The following CAMTA1 variants were observed in gnomAD, a reference collection of about 807,000 sequenced individuals.
CAMTA1 encodes the protein calmodulin-binding transcription activator 1.
Under a neutral mutation model 170.9 loss-of-function variants are expected in CAMTA1, and 27 were observed. The observed-to-expected ratio is 0.16, with a 90% CI of 0.12 to 0.22. The LOEUF (loss-of-function observed/expected upper bound fraction) is 0.22. CAMTA1 is among the 10% of genes least tolerant of loss of function. The pLI is 1.00. For missense variants in CAMTA1, 1,619 were observed against 2,217.2 expected, an observed-to-expected ratio of 0.73 and a Z score of 5.42; for synonymous variants, 833 against 891.5, an observed-to-expected ratio of 0.93 and a Z score of 1.17.
At chr1:6,848,062 G>A (rs905411078) in intron 3 of CAMTA1, among the ~76,000 whole-genome samples, 2 of 152,034 alleles carry the variant, frequency 1.3e-5, no homozygotes, top group African/African-American at 4.8e-5. Context: ...GACCAGGCTG[G>A]TCTCAAACTC....
intron 3 of CAMTA1, among the ~76,000 whole-genome samples, chr1:6,853,827 G>A (rs76631326): frequency 0.08 from 12,139 of 152,086 alleles, 731 homozygotes; most frequent in East Asian, 0.26. Flanking sequence ...CATACATAAT[G>A]GTAAAATACT....
chr1:7,436,577 C>T (rs188454862), intron 5 of CAMTA1, among the ~76,000 whole-genome samples: 5 of 152,238 alleles, frequency 3.3e-5, no homozygotes, highest in Admixed American at 2.6e-4. Flanking sequence ...AGGGTGAGGT[C>T]GGTAAGGGGT....
intron 3 of CAMTA1, among the ~76,000 whole-genome samples, chr1:6,957,373 A>G (rs1572025839): frequency 6.6e-6 from 1 of 151,862 alleles, no homozygotes; most frequent in African/African-American, 2.4e-5. Flanking sequence ...CAAATGTACT[A>G]TCTTGCAGCT....
At chr1:7,236,399 G>T (rs1490583073) in intron 4 of CAMTA1, among the ~76,000 whole-genome samples, 1 of 152,204 alleles carries the variant, frequency 6.6e-6, no homozygotes, top group Admixed American at 6.5e-5. Context: ...CCCTTGCTCT[G>T]TATGAAGTGT....
chr1:7,110,715 G>C (rs1313829023), intron 4 of CAMTA1, among the ~76,000 whole-genome samples: 1 of 152,174 alleles, frequency 6.6e-6, no homozygotes, highest in Non-Finnish European at 1.5e-5. Context: ...GATCTCAGAG[G>C]GATGGCGCTG....
At chr1:7,360,191 G>A (rs1010670329) in intron 5 of CAMTA1, among the ~76,000 whole-genome samples, 5 of 152,176 alleles carry the variant, frequency 3.3e-5, no homozygotes, top group African/African-American at 1.2e-4. Flanking sequence ...TTTAAAGACT[G>A]TCTCCAAACA....
chr1:7,201,749 A>G (rs766035356), intron 4 of CAMTA1, among the ~76,000 whole-genome samples: 33 of 152,160 alleles, frequency 2.2e-4, no homozygotes, highest in Non-Finnish European at 4.1e-4. Context: ...TGTCCTTTTT[A>G]TTATTAAGTT....
chr1:7,539,290 C>T (rs1474273789), intron 6 of CAMTA1, among the ~76,000 whole-genome samples: 1 of 152,228 alleles, frequency 6.6e-6, no homozygotes, highest in Non-Finnish European at 1.5e-5. Flanking sequence ...TCTGGCTTCC[C>T]AGGCCACACC....
chr1:7,422,135 T>G (rs1471132407), intron 5 of CAMTA1, among the ~76,000 whole-genome samples: 2 of 151,978 alleles, frequency 1.3e-5, no homozygotes, highest in African/African-American at 4.8e-5. Flanking sequence ...GAGTGGGAGC[T>G]GGACAGGGCA....
At position 7,737,239 on chromosome 1, in the gene CAMTA1, T is replaced by C; in HGVS notation, c.3343-16T>C. 1 of 1,608,008 alleles carries C rather than the reference T, an allele frequency of 6.2e-7. No homozygotes were observed. The highest frequency in any genetic ancestry group is 8.5e-7 in the Non-Finnish European group (1 of 1,176,350). On this transcript the variant is annotated splice_polypyrimidine_tract_variant and intron_variant, in intron 14 of 22. Transcript: ENST00000303635. Reference sequence around the variant, plus strand: ...CCTCTGATTGAGAACGCTTGCTGTGTCTCCCTGTCTTCTAGATGTGGGCGT... The same window carrying C: ...CCTCTGATTGAGAACGCTTGCTGTGCCTCCCTGTCTTCTAGATGTGGGCGT...
In CAMTA1 at chr1:7,451,170, C is replaced by T. The variant is rs78967634; in HGVS notation, c.439-16660C>T. 8.3e-4 allele frequency among the ~76,000 whole-genome samples: 127 copies of T among 152,344 alleles called. No homozygotes were observed. In the East Asian group the frequency reaches 0.012, roughly 15 times the overall value. ...GCACTGAGCCAGCCCCATCTCTCCC[C>T]GTCCCTGACTCCAGTTGACAGCCAT... is the stretch of plus-strand genomic sequence containing the variant. On this transcript the variant is annotated intron_variant, in intron 5 of 22. Coordinates refer to ENST00000303635, the MANE Select transcript of CAMTA1 (RefSeq NM_015215.4).
rs551582762 is a variant in CAMTA1, at chr1:7,411,670, C to G, written c.439-56160C>G. On this transcript the variant is annotated intron_variant, in intron 5 of 22. Transcript: ENST00000303635. ...AGAAGTACCAGCTCAGAGAGAGACT[C>G]TTGGCCCATGTCAGGACTCAACAAA... Among the ~76,000 whole-genome samples, 3 of 152,090 alleles carry G rather than the reference C, an allele frequency of 2.0e-5. No individual in the cohort carries two copies. The East Asian group carries it at 5.8e-4, about 29-fold the overall frequency.
chr1:7,595,126 A>T (rs1344821757), intron 6 of CAMTA1, among the ~76,000 whole-genome samples: 2 of 152,198 alleles, frequency 1.3e-5, no homozygotes, highest in East Asian at 3.9e-4. Flanking sequence ...GTCTTTCAGG[A>T]TAGGGGTCCT....
rs541224212 is a variant in CAMTA1, at chr1:7,034,988, C to T, written c.235-56316C>T. Among the ~76,000 whole-genome samples, 3 of 152,262 alleles carry T rather than the reference C, an allele frequency of 2.0e-5. No homozygotes were observed. In the East Asian group the frequency reaches 5.8e-4, roughly 29 times the overall value. On this transcript the variant is annotated intron_variant, in intron 3 of 22. Coordinates refer to ENST00000303635, the MANE Select transcript of CAMTA1 (RefSeq NM_015215.4). Reference sequence around the variant, plus strand: ...GCTCATTTAGCTTGTAACTCAGTCACACAAATGCTTTTCTTCAAGACAACC... The same window carrying T: ...GCTCATTTAGCTTGTAACTCAGTCATACAAATGCTTTTCTTCAAGACAACC...
At chr1:6,831,912 T>C (rs1650349060) in intron 3 of CAMTA1, among the ~76,000 whole-genome samples, 1 of 143,802 alleles carries the variant, frequency 7.0e-6, no homozygotes, top group Admixed American at 7.1e-5. Flanking sequence ...AAAACAAAAC[T>C]TGAGTAATAA....
intron 4 of CAMTA1, among the ~76,000 whole-genome samples, chr1:7,094,404 C>A (rs1215614232): frequency 2.0e-5 from 3 of 152,230 alleles, no homozygotes; most frequent in African/African-American, 7.2e-5. Context: ...GCTGCTGCCG[C>A]CGCCACTGCT....
At chr1:7,720,203 G>A (rs895332007) in intron 11 of CAMTA1, among the ~76,000 whole-genome samples, 3 of 152,220 alleles carry the variant, frequency 2.0e-5, no homozygotes, top group South Asian at 2.1e-4. Flanking sequence ...TAACCCGATC[G>A]AAACCTCATG....
chr1:7,411,412 C>A (rs2859315), intron 5 of CAMTA1, among the ~76,000 whole-genome samples: 12 of 152,148 alleles, frequency 7.9e-5, no homozygotes, highest in African/African-American at 2.2e-4. Flanking sequence ...GGTGACACGG[C>A]CCTGTAATCC....
chr1:7,734,979 T>A (rs2096760425), intron 12 of CAMTA1, among the ~76,000 whole-genome samples: 1 of 152,238 alleles, frequency 6.6e-6, no homozygotes, highest in Non-Finnish European at 1.5e-5. Flanking sequence ...ATTTTATTTT[T>A]CTTCCATTAC....
Sources: allele counts gnomAD v4.1 joint callset (sites outside exome capture counted in the v4.1 genomes callset), GRCh38; gene constraint gnomAD v4.1.1; transcripts MANE v1.5; gene names NCBI Gene and HGNC (gene_info 2026-07-23, HGNC 2026-07-21).